The following PLS1 variants were observed in gnomAD, a reference collection of about 807,000 sequenced individuals.
PLS1 encodes plastin-1.
Under a neutral mutation model 73.7 loss-of-function variants are expected in PLS1, and 32 were observed. That is an observed-to-expected ratio of 0.43 (90% CI 0.33 to 0.58). PLS1 has a LOEUF of 0.58. PLS1 is among the 20% of genes least tolerant of loss of function. PLS1 has a pLI of 0.04. For missense variants in PLS1, 633 were observed against 740.5 expected, an observed-to-expected ratio of 0.85 and a Z score of 1.68; for synonymous variants, 217 against 261.3, an observed-to-expected ratio of 0.83 and a Z score of 1.63.
At chr3:142,598,967 C>G (rs2035861884) in intron 1 of PLS1, among the ~76,000 whole-genome samples, 1 of 151,422 alleles carries the variant, frequency 6.6e-6, no homozygotes, top group African/African-American at 2.4e-5. Flanking sequence ...TGCCACTGCA[C>G]TCCAGCATGG....
At chr3:142,703,525 A>G (rs1439036809) in intron 12 of PLS1, among the ~76,000 whole-genome samples, 3 of 152,162 alleles carry the variant, frequency 2.0e-5, no homozygotes. Context: ...CGAACTCTTG[A>G]CCTCAGGTGA....
At chr3:142,658,138 C>T (rs2037282183) in intron 1 of PLS1, among the ~76,000 whole-genome samples, 1 of 152,116 alleles carries the variant, frequency 6.6e-6, no homozygotes, top group Admixed American at 6.6e-5. Flanking sequence ...ATTGAGCAGA[C>T]ATTAGCATTT....
intron 1 of PLS1, among the ~76,000 whole-genome samples, chr3:142,622,225 T>G (rs1389359435): frequency 6.6e-6 from 1 of 152,252 alleles, no homozygotes; most frequent in Admixed American, 6.5e-5. Flanking sequence ...CTTTAAAATA[T>G]TTAAATGTGA....
intron 11 of PLS1, among the ~76,000 whole-genome samples, chr3:142,695,127 A>G (rs1317115086): frequency 1.3e-5 from 2 of 152,058 alleles, no homozygotes; most frequent in Non-Finnish European, 2.9e-5. Context: ...TTCTCTCTTT[A>G]TTATACAATC....
intron 8 of PLS1, 129 bp downstream of exon 8, chr3:142,684,524 A>G (rs531728155): frequency 6.9e-6 from 5 of 726,314 alleles, no homozygotes; most frequent in Non-Finnish European, 1.1e-5. Context: ...AATTTGCATT[A>G]CTGTGTGAAG....
At chr3:142,654,390 G>C (rs1196655930) in intron 1 of PLS1, among the ~76,000 whole-genome samples, 2 of 152,148 alleles carry the variant, frequency 1.3e-5, no homozygotes, top group Non-Finnish European at 2.9e-5. Context: ...CTGTCGCCCA[G>C]GCTGGAATGC....
intron 1 of PLS1, among the ~76,000 whole-genome samples, chr3:142,634,566 A>G (rs1313031006): frequency 6.6e-6 from 1 of 152,200 alleles, no homozygotes; most frequent in Non-Finnish European, 1.5e-5. Flanking sequence ...ATGGTGTAGT[A>G]TAGATAAGAT....
intron 1 of PLS1, among the ~76,000 whole-genome samples, chr3:142,598,566 A>G (rs2035853365): frequency 6.6e-6 from 1 of 152,206 alleles, no homozygotes; most frequent in Admixed American, 6.5e-5. Flanking sequence ...AGTGGAGAAA[A>G]GAGGGCACAG....
intron 10 of PLS1, among the ~76,000 whole-genome samples, chr3:142,691,091 C>T (rs768330494): frequency 1.3e-5 from 2 of 152,008 alleles, no homozygotes; most frequent in Non-Finnish European, 1.5e-5. Context: ...AATGAGAAAT[C>T]AATTTCATGA....
At chr3:142,705,522 C>T (rs1412432956) in intron 14 of PLS1, among the ~76,000 whole-genome samples, 1 of 152,194 alleles carries the variant, frequency 6.6e-6, no homozygotes, top group Non-Finnish European at 1.5e-5. Flanking sequence ...ATGTTAGCTA[C>T]AAATAAGCAT....
At chr3:142,625,330 A>G (rs528630510) in intron 1 of PLS1, among the ~76,000 whole-genome samples, 50 of 152,150 alleles carry the variant, frequency 3.3e-4, no homozygotes, top group Non-Finnish European at 5.1e-4. Context: ...TTTAGCTACC[A>G]TTTCTGACTA....
intron 1 of PLS1, among the ~76,000 whole-genome samples, chr3:142,603,766 C>A (rs553076375): frequency 6.6e-4 from 63 of 96,030 alleles, no homozygotes; most frequent in African/African-American, 2.5e-3. Context: ...TGAAACCCTG[C>A]CTCAAAAAAA....
At chr3:142,688,463 A>G (rs1438430636) in intron 9 of PLS1, among the ~76,000 whole-genome samples, 1 of 152,092 alleles carries the variant, frequency 6.6e-6, no homozygotes, top group Non-Finnish European at 1.5e-5. Context: ...TGAAATTGTA[A>G]CAAGCCTCAT....
chr3:142,687,513 G>A (rs545043067), intron 9 of PLS1, among the ~76,000 whole-genome samples: 2 of 152,128 alleles, frequency 1.3e-5, no homozygotes, highest in East Asian at 3.9e-4. Flanking sequence ...GTATTGCAAC[G>A]CTCTGTAAAA....
At chr3:142,600,924 T>A (rs1478320911) in intron 1 of PLS1, among the ~76,000 whole-genome samples, 37 of 74,770 alleles carry the variant, frequency 4.9e-4, no homozygotes, top group East Asian at 8.4e-4. Flanking sequence ...ATATTTTTTT[T>A]TTTTTTTTTT....
At chr3:142,605,320 C>A (rs1367607065) in intron 1 of PLS1, among the ~76,000 whole-genome samples, 1 of 152,194 alleles carries the variant, frequency 6.6e-6, no homozygotes, top group Non-Finnish European at 1.5e-5. Flanking sequence ...TTTGAAACTG[C>A]CAGAAATTAA....
At chr3:142,689,889 A>G in intron 10 of PLS1, 76 bp downstream of exon 10, 2 of 953,770 alleles carry the variant, frequency 2.1e-6, no homozygotes, top group East Asian at 2.6e-5. Flanking sequence ...TGTCAGAGAT[A>G]GGGGATTGTG....
At chr3:142,630,938 A>ACACAC (rs2036543842) in intron 1 of PLS1, among the ~76,000 whole-genome samples, 2 of 137,364 alleles carry the variant, frequency 1.5e-5, no homozygotes, top group Admixed American at 7.2e-5. Context: ...CATGTAAATA[A>ACACAC]ACACACACAC....
intron 2 of PLS1, 108 bp downstream of exon 2, chr3:142,664,415 A>G (rs529917813): frequency 1.8e-6 from 1 of 541,350 alleles, no homozygotes; most frequent in Admixed American, 3.3e-5. Context: ...TTACCTCCAG[A>G]TTTATTCCTT....
Sources: gnomAD v4.1 joint callset for allele counts (sites outside exome capture counted in the v4.1 genomes callset) on GRCh38, gnomAD v4.1.1 for gene constraint, MANE v1.5 for transcripts, NCBI Gene and HGNC (gene_info 2026-07-23, HGNC 2026-07-21) for gene names.